HAVCR2: variants seen among roughly 807,000 people sequenced by gnomAD.
HAVCR2 encodes the protein hepatitis A virus cellular receptor 2.
HAVCR2 carries 13 observed loss-of-function variants against 24.7 expected under a neutral mutation model. The observed-to-expected ratio is 0.53, with a 90% CI of 0.34 to 0.84. The LOEUF (loss-of-function observed/expected upper bound fraction) is 0.84, where lower values mean the gene tolerates loss of function less well. HAVCR2 is among the 40% of genes least tolerant of loss of function. HAVCR2 has a pLI of 0.01. For missense variants in HAVCR2, 343 were observed against 371.2 expected (o/e 0.92, Z 0.62); for synonymous variants, 154 against 143.4 (o/e 1.07, Z -0.53).
At chr5:157,088,904 T>G in intron 6 of HAVCR2, 37 bp downstream of exon 6, 5 of 1,576,756 alleles carry the variant, frequency 3.2e-6, no homozygotes, top group Non-Finnish European at 4.4e-6. Context: ...ACTTCCAAGA[T>G]TCTCACCTTT....
At chr5:157,092,154 A>G (rs958068002) in intron 5 of HAVCR2, among the ~76,000 whole-genome samples, 4,574 of 149,610 alleles carry the variant, frequency 0.031, 236 homozygotes, top group African/African-American at 0.11. Flanking sequence ...ATATATATAT[A>G]TATATATATA....
intron 2 of HAVCR2, 99 bp from the exon 3 acceptor site, chr5:157,104,848 T>C: frequency 1.2e-6 from 1 of 809,626 alleles, no homozygotes. Context: ...GAAAGACAAT[T>C]AAGAAAGAGA....
At chr5:157,106,389 C>T (rs1387512876) in intron 2 of HAVCR2, 6 of 500,530 alleles carry the variant, frequency 1.2e-5, no homozygotes, top group Non-Finnish European at 2.2e-5. Flanking sequence ...CTCAGCCTCC[C>T]AAAGTGCTGG....
Position 157,098,853 on chromosome 5 carries a change from C to T in HAVCR2, c.522+5G>A. The stretch of plus-strand genomic sequence containing the variant: ...ACAACATAGCTCACAAAAAAAGTTA[C>T]TTACTGTTAGATTTATATCAGGGAG... On this transcript the variant is annotated splice_donor_5th_base_variant and intron_variant, in intron 4 of 6. Coordinates refer to ENST00000307851, the MANE Select transcript of HAVCR2 (RefSeq NM_032782.5). The T allele has an allele frequency of 6.2e-7, 1 of 1,612,324 alleles. No individual in the cohort carries two copies. Among genetic ancestry groups the T allele is most frequent in the South Asian group, 1.1e-5 (1 of 90,918 alleles).
chr5:157,103,002 A>G (rs1757191133), intron 3 of HAVCR2, among the ~76,000 whole-genome samples: 1 of 151,946 alleles, frequency 6.6e-6, no homozygotes, highest in African/African-American at 2.4e-5. Flanking sequence ...AGACAAGTAT[A>G]AGGAAATGCA....
At chr5:157,095,773 G>A (rs1445723601) in intron 4 of HAVCR2, among the ~76,000 whole-genome samples, 2 of 151,568 alleles carry the variant, frequency 1.3e-5, no homozygotes, top group African/African-American at 4.8e-5. Flanking sequence ...GCAAAAATTG[G>A]CTTTAGAGTG....
Position 157,087,214 on chromosome 5 carries a change from T to C in HAVCR2, c.794A>G (p.Tyr265Cys). 4 of 1,613,982 alleles carry C rather than the reference T, an allele frequency of 2.5e-6. No homozygotes were observed. Among genetic ancestry groups the C allele is most frequent in the Non-Finnish European group, 2.5e-6 (3 of 1,179,988 alleles). ...TTCATATACGTTCTCTTCAATGGTATAGATGTTTTCTTCTGAGCGAATTCC... is the reference window on the plus strand; with the variant it reads ...TTCATATACGTTCTCTTCAATGGTACAGATGTTTTCTTCTGAGCGAATTCC... The part of the protein sequence containing the change: ...AEGIRSEENI[Y>C]TIEENVYEVE... Residue 265 changes from tyrosine to cysteine, a missense_variant, in exon 7 of 7, where the codon TAT becomes TGT. By Grantham distance (194) the Tyr-to-Cys change is radical. Coordinates refer to ENST00000307851, the MANE Select transcript of HAVCR2 (RefSeq NM_032782.5).
chr5:157,099,640 C>T (rs761409979), intron 3 of HAVCR2, among the ~76,000 whole-genome samples: 5 of 152,032 alleles, frequency 3.3e-5, no homozygotes, highest in Non-Finnish European at 7.4e-5. Flanking sequence ...CACTCTGTTG[C>T]CCAGGCTGGA....
At chr5:157,099,470 G>T (rs2113691123) in intron 3 of HAVCR2, among the ~76,000 whole-genome samples, 1 of 151,952 alleles carries the variant, frequency 6.6e-6, no homozygotes, top group African/African-American at 2.4e-5. Flanking sequence ...CAGGCTGGTT[G>T]TGAACTCCTG....
intron 5 of HAVCR2, 119 bp from the exon 6 acceptor site, chr5:157,089,096 G>C: frequency 1.3e-6 from 1 of 788,112 alleles, no homozygotes. Context: ...ATCTCAGATT[G>C]AGTTAAATGA....
At chr5:157,092,896 A>AAAAAAAAAC (rs1421455078) in intron 5 of HAVCR2, among the ~76,000 whole-genome samples, 1 of 85,270 alleles carries the variant, frequency 1.2e-5, no homozygotes, top group Non-Finnish European at 2.3e-5. Context: ...AAAAAAAAAA[A>AAAAAAAAAC]AAAAAAAAAA....
At chr5:157,101,158 A>G (rs962949878) in intron 3 of HAVCR2, among the ~76,000 whole-genome samples, 2 of 152,200 alleles carry the variant, frequency 1.3e-5, no homozygotes, top group Non-Finnish European at 2.9e-5. Context: ...TTAAGTGCAC[A>G]TAAGATTTTA....
Position 157,087,075 on chromosome 5 carries a change from C to T in HAVCR2, c.*27G>A, listed in dbSNP as rs777370174. On this transcript the variant is annotated 3_prime_UTR_variant, in exon 7 of 7. Coordinates refer to ENST00000307851, the MANE Select transcript of HAVCR2 (RefSeq NM_032782.5). ...CATAGTTTCTGAAAAAGACAAAACACCAAGCTCAAAAATAAGGTGGTTGGA... is the reference window on the plus strand; with the variant it reads ...CATAGTTTCTGAAAAAGACAAAACATCAAGCTCAAAAATAAGGTGGTTGGA... The T allele has an allele frequency of 6.2e-7, 1 of 1,606,050 alleles. No individual in the cohort carries two copies. Among genetic ancestry groups the T allele is most frequent in the African/African-American group, 1.3e-5 (1 of 74,516 alleles).
In HAVCR2 at chr5:157,106,736, C is replaced by T; in HGVS notation, c.285G>A (p.Leu95=). The part of the protein sequence containing the change: ...NGDFRKGDVS[L]TIENVTLADS... ...CTGCTAGAGTCACATTCTCTATGGT[C>T]AGGGACACATCTCCTTTGCGGAAAT... The change falls in exon 2 of 7, where the codon CTG becomes CTA. Residue 95 remains leucine (L), a synonymous_variant. Transcript: ENST00000307851. 6.2e-7 allele frequency: 1 copy of T among 1,614,214 alleles called. No individual in the cohort carries two copies. The highest frequency in any genetic ancestry group is 1.1e-5 in the South Asian group (1 of 91,080).
In HAVCR2 at chr5:157,086,581, G is replaced by A. The variant is rs759793301; in HGVS notation, c.*521C>T. The A allele has an allele frequency of 6.5e-6, 1 of 153,072 alleles. No homozygotes were observed. Among genetic ancestry groups the A allele is most frequent in the African/African-American group, 2.4e-5 (1 of 41,466 alleles). The allele number at this position is 153,072 out of a possible 1,614,324, so 9.5% of individuals were successfully genotyped here. A position where few individuals can be genotyped will look rare whatever the true frequency, so the allele number is the denominator to read the frequency against. On this transcript the variant is annotated 3_prime_UTR_variant, in exon 7 of 7. Coordinates refer to ENST00000307851, the MANE Select transcript of HAVCR2 (RefSeq NM_032782.5). The stretch of plus-strand genomic sequence containing the variant: ...GAGAATCGCTTGAACCCAGGAGGCG[G>A]AGCTTGCAGTGAGCCGAGATTGTGC...
intron 5 of HAVCR2, among the ~76,000 whole-genome samples, chr5:157,091,696 A>C (rs574625866): frequency 4.6e-5 from 7 of 152,316 alleles, no homozygotes; most frequent in African/African-American, 1.7e-4. Flanking sequence ...AAAATAGCAT[A>C]AACAGAAAAG....
At chr5:157,087,766 T>C (rs1756935294) in intron 6 of HAVCR2, among the ~76,000 whole-genome samples, 1 of 151,996 alleles carries the variant, frequency 6.6e-6, no homozygotes, top group Admixed American at 6.6e-5. Flanking sequence ...TTAGCCAGCG[T>C]GGTGGCATGC....
At chr5:157,091,973 G>A (rs1469620157) in intron 5 of HAVCR2, among the ~76,000 whole-genome samples, 3 of 152,000 alleles carry the variant, frequency 2.0e-5, no homozygotes, top group African/African-American at 7.2e-5. Flanking sequence ...AACTTCCAGG[G>A]AAAAGATTGG....
intron 1 of HAVCR2, among the ~76,000 whole-genome samples, chr5:157,107,898 A>C (rs962827286): frequency 2.8e-5 from 4 of 141,764 alleles, no homozygotes; most frequent in Non-Finnish European, 4.6e-5. Context: ...AGTGCTTCTC[A>C]ATATCCCACC....
Sources: gnomAD v4.1 joint callset for allele counts (sites outside exome capture counted in the v4.1 genomes callset) on GRCh38, gnomAD v4.1.1 for gene constraint, MANE v1.5 for transcripts, NCBI Gene and HGNC (gene_info 2026-07-23, HGNC 2026-07-21) for gene names.